Variants in ALK observed in about 807,000 individuals in gnomAD.
ALK encodes ALK receptor tyrosine kinase.
In ALK, 74 loss-of-function variants were observed where a neutral mutation model predicts 163.1. The observed-to-expected ratio is 0.45, with a 90% CI of 0.38 to 0.55. The LOEUF (loss-of-function observed/expected upper bound fraction) is 0.55, where lower values mean the gene tolerates loss of function less well. Ranked by LOEUF, ALK falls within the 20% of genes least tolerant of loss-of-function variation. The pLI is 0.00. For missense variants in ALK, 2,063 were observed against 2,105.3 expected, an observed-to-expected ratio of 0.98 and a Z score of 0.39; for synonymous variants, 960 against 843.2, an observed-to-expected ratio of 1.14 and a Z score of -2.40.
rs1665405947 is a variant in ALK, at chr2:29,831,259, G to GGAAGAAGAAGAAAGAAGAA, written c.667+88733_667+88734insTTCTTCTTTCTTCTTCTTC. Among the ~76,000 whole-genome samples the GGAAGAAGAAGAAAGAAGAA allele has an allele frequency of 8.9e-4, 25 of 28,150 alleles. 5 individuals carry two copies. Among genetic ancestry groups the GGAAGAAGAAGAAAGAAGAA allele is most frequent in the African/African-American group, 2.7e-3 (25 of 9,138 alleles). 18.5% of individuals were successfully genotyped at this position (28,150 alleles called of 152,430 possible). ...AGGAAGAAGAAGAGGAAGAGGAAGAGGAAGAAGAAGAAGAAGAAGAAGAAG... is the reference window on the plus strand; with the variant it reads ...AGGAAGAAGAAGAGGAAGAGGAAGAGGAAGAAGAAGAAAGAAGAAGAAGAAGAAGAAGAAGAAGAAGAAG... On this transcript the variant is annotated intron_variant, in intron 1 of 28. Transcript: ENST00000389048.
intron 1 of ALK, among the ~76,000 whole-genome samples, chr2:29,843,881 G>A (rs961454859): frequency 6.6e-6 from 1 of 152,138 alleles, no homozygotes; most frequent in African/African-American, 2.4e-5. Flanking sequence ...CACATTATTA[G>A]GCACCAAAGA....
At chr2:29,821,737 T>A (rs1424791356) in intron 1 of ALK, among the ~76,000 whole-genome samples, 3 of 152,180 alleles carry the variant, frequency 2.0e-5, no homozygotes, top group Admixed American at 6.5e-5. Flanking sequence ...TGAATTGTCC[T>A]GGCCTCCCTC....
chr2:29,760,455 A>G (rs1384012188), intron 1 of ALK, among the ~76,000 whole-genome samples: 1 of 152,222 alleles, frequency 6.6e-6, no homozygotes, highest in Non-Finnish European at 1.5e-5. Context: ...TATACCAGAT[A>G]CATAGTAAGT....
intron 4 of ALK, among the ~76,000 whole-genome samples, chr2:29,491,783 G>C (rs768461427): frequency 1.3e-5 from 2 of 152,172 alleles, no homozygotes; most frequent in Non-Finnish European, 2.9e-5. Flanking sequence ...AGTGACTAAA[G>C]GGGCAGGGAG....
intron 5 of ALK, among the ~76,000 whole-genome samples, chr2:29,337,560 T>C (rs1667655204): frequency 6.6e-6 from 1 of 152,192 alleles, no homozygotes; most frequent in South Asian, 2.1e-4. Context: ...TTCAGTCCTA[T>C]AGAATCAGAG....
intron 4 of ALK, among the ~76,000 whole-genome samples, chr2:29,493,052 T>A (rs149115922): frequency 6.6e-6 from 1 of 152,184 alleles, no homozygotes; most frequent in Middle Eastern, 3.2e-3. Flanking sequence ...CAGCTTTTGA[T>A]GAAATCTCTC....
chr2:29,829,954 G>A (rs1665319721), intron 1 of ALK, among the ~76,000 whole-genome samples: 1 of 152,198 alleles, frequency 6.6e-6, no homozygotes, highest in Non-Finnish European at 1.5e-5. Context: ...TTTCCATTAA[G>A]TTGATGCCAT....
At chr2:29,741,623 GCCCATGTCTC>G (rs1156822260) in intron 1 of ALK, among the ~76,000 whole-genome samples, 1 of 152,180 alleles carries the variant, frequency 6.6e-6, no homozygotes, top group Non-Finnish European at 1.5e-5. Context: ...AAGTGAACCA[GCCCATGTCTC>G]CCCTGGTGAC....
At chr2:29,213,184 T>G (rs969012833) in intron 24 of ALK, among the ~76,000 whole-genome samples, 1 of 152,226 alleles carries the variant, frequency 6.6e-6, no homozygotes, top group African/African-American at 2.4e-5. Context: ...ATGATCTGTT[T>G]TACTTTTCTG....
At chr2:29,588,244 A>G (rs568733805) in intron 3 of ALK, among the ~76,000 whole-genome samples, 1 of 152,080 alleles carries the variant, frequency 6.6e-6, no homozygotes, top group South Asian at 2.1e-4. Context: ...TTTTATTTTT[A>G]TTTTTGAGAT....
At chr2:29,380,124 T>TA (rs1000873283) in intron 5 of ALK, among the ~76,000 whole-genome samples, 1 of 141,134 alleles carries the variant, frequency 7.1e-6, no homozygotes, top group Non-Finnish European at 1.6e-5. Flanking sequence ...TTTTTTTTTT[T>TA]AAGACAGAGT....
chr2:29,357,366 C>T (rs533205493), intron 5 of ALK, among the ~76,000 whole-genome samples: 5 of 152,286 alleles, frequency 3.3e-5, no homozygotes, highest in South Asian at 2.1e-4. Flanking sequence ...TTTTCTCCCC[C>T]GCTGGCAGGG....
At chr2:29,640,068 C>T (rs1031435654) in intron 3 of ALK, among the ~76,000 whole-genome samples, 10 of 152,152 alleles carry the variant, frequency 6.6e-5, no homozygotes, top group Non-Finnish European at 1.5e-4. Flanking sequence ...AGCTCAGCAC[C>T]TAATGCTGCG....
chr2:29,584,622 T>C (rs1294696892), intron 3 of ALK, among the ~76,000 whole-genome samples: 1 of 152,196 alleles, frequency 6.6e-6, no homozygotes, highest in East Asian at 1.9e-4. Flanking sequence ...CAGGAATACT[T>C]TTCTTCACAG....
intron 1 of ALK, among the ~76,000 whole-genome samples, chr2:29,863,518 T>A (rs200842961): frequency 3.3e-5 from 5 of 151,706 alleles, no homozygotes; most frequent in East Asian, 1.9e-4. Context: ...TATTTTTTTT[T>A]AAATGCTCAC....
rs1234793181 is a variant in ALK at position 29,396,203 on chromosome 2, A to G, written c.1155-12344T>C. On this transcript the variant is annotated intron_variant, in intron 4 of 28. Transcript: ENST00000389048. ...CGTGCTGCTTATACTCCATGGTGGC[A>G]AGTATCCTGGATAATAACGCTGTTG... Among the ~76,000 whole-genome samples the G allele has an allele frequency of 2.0e-5, 3 of 152,142 alleles. No homozygotes were observed. The East Asian group carries it at 5.8e-4, about 29-fold the overall frequency.
At chr2:29,822,542 C>A (rs1475840536) in intron 1 of ALK, among the ~76,000 whole-genome samples, 2 of 152,240 alleles carry the variant, frequency 1.3e-5, no homozygotes, top group African/African-American at 4.8e-5. Context: ...TGATCAGTGG[C>A]TAATGCCCAT....
chr2:29,895,522 T>C (rs1054004940), intron 1 of ALK, among the ~76,000 whole-genome samples: 17 of 152,190 alleles, frequency 1.1e-4, no homozygotes, highest in African/African-American at 3.9e-4. Context: ...GGCTATACTA[T>C]GGTCCAGCAC....
rs73921148 is a variant in ALK at position 29,665,791 on chromosome 2, G to A, written c.952+29059C>T. The stretch of plus-strand genomic sequence containing the variant: ...GGACCCAGAATGAGTTTAAGCCTGG[G>A]ATTGGAACCTACGTAGACTTGCTAG... On this transcript the variant is annotated intron_variant, in intron 3 of 28. Coordinates refer to ENST00000389048, the MANE Select transcript of ALK (RefSeq NM_004304.5). 9.0e-3 allele frequency among the ~76,000 whole-genome samples: 1,377 copies of A among 152,170 alleles called. 29 individuals carry two copies. Among genetic ancestry groups the A allele is most frequent in the African/African-American group, 0.029 (1,224 of 41,528 alleles).
Sources: gnomAD v4.1 joint callset for allele counts (sites outside exome capture counted in the v4.1 genomes callset) on GRCh38, gnomAD v4.1.1 for gene constraint, MANE v1.5 for transcripts, NCBI Gene and HGNC (gene_info 2026-07-23, HGNC 2026-07-21) for gene names.